LRGUK: variants seen among roughly 807,000 people sequenced by gnomAD.
LRGUK encodes the protein leucine-rich repeat and guanylate kinase domain-containing protein.
Under a neutral mutation model 76.0 loss-of-function variants are expected in LRGUK, and 65 were observed. The observed-to-expected ratio is 0.85, with a 90% CI of 0.70 to 1.05. The LOEUF is 1.05. Among genes scored for constraint, LRGUK ranks in the 50% least tolerant of loss-of-function variants. LRGUK has a pLI of 0.00. For synonymous variants in LRGUK, 268 were observed against 265.6 expected (o/e 1.01, Z -0.09); for missense variants, 758 against 732.8 (o/e 1.03, Z -0.40).
At chr7:134,228,742 T>C (rs1274935443) in intron 16 of LRGUK, among the ~76,000 whole-genome samples, 1 of 152,168 alleles carries the variant, frequency 6.6e-6, no homozygotes, top group East Asian at 1.9e-4. Context: ...TCTAGAATCC[T>C]TGCATTTGAA....
chr7:134,230,358 G>A (rs1028012411), intron 16 of LRGUK, among the ~76,000 whole-genome samples: 1 of 152,134 alleles, frequency 6.6e-6, no homozygotes, highest in Admixed American at 6.5e-5. Flanking sequence ...CTATCAATAT[G>A]TGGGGCAATG....
At chr7:134,231,783 C>G (rs1208082296) in intron 16 of LRGUK, among the ~76,000 whole-genome samples, 9 of 133,892 alleles carry the variant, frequency 6.7e-5, no homozygotes, top group African/African-American at 3.0e-4. Flanking sequence ...TCCGTCCGTC[C>G]CTCCCTTCCT....
At chr7:134,130,360 T>C (rs904738753) in intron 1 of LRGUK, among the ~76,000 whole-genome samples, 8 of 42,606 alleles carry the variant, frequency 1.9e-4, no homozygotes, top group African/African-American at 2.7e-4. Context: ...CATAGCTCTT[T>C]GGCTATGGGG....
At chr7:134,252,154 C>T (rs1802462768) in intron 18 of LRGUK, among the ~76,000 whole-genome samples, 2 of 150,858 alleles carry the variant, frequency 1.3e-5, no homozygotes, top group Admixed American at 1.3e-4. Flanking sequence ...GCCTCGGCAA[C>T]ATAGTGAGAC....
chr7:134,211,997 G>C (rs2117131159), downstream of LRGUK, among the ~76,000 whole-genome samples: 1 of 152,196 alleles, frequency 6.6e-6, no homozygotes, highest in African/African-American at 2.4e-5. Flanking sequence ...CTCCATGTTG[G>C]CTTCATTCTT....
At chr7:134,258,472 T>C in intron 19 of LRGUK, 67 bp downstream of exon 19, 1 of 1,449,100 alleles carries the variant, frequency 6.9e-7, no homozygotes, top group South Asian at 1.2e-5. Context: ...CCGAGGCGAA[T>C]GGATCTCCTG....
chr7:134,133,510 C>T (rs1463821923), intron 1 of LRGUK, among the ~76,000 whole-genome samples: 2 of 152,200 alleles, frequency 1.3e-5, no homozygotes, highest in Non-Finnish European at 2.9e-5. Context: ...GTCTCCCAGA[C>T]TGAACTGTAA....
In LRGUK at chr7:134,242,582, G is replaced by A. The variant is rs113208989; in HGVS notation, c.1984-4974G>A. Among the ~76,000 whole-genome samples the A allele has an allele frequency of 4.1e-3, 628 of 152,238 alleles. 8 individuals carry two copies. The highest frequency in any genetic ancestry group is 0.014 in the African/African-American group (577 of 41,544). The stretch of plus-strand genomic sequence containing the variant: ...ATTAATAGCCTACCAACCAAAAAAA[G>A]TCCAGGACCAGATGGATTCACACCT... On this transcript the variant is annotated intron_variant, in intron 16 of 19. Coordinates refer to the LRGUK transcript ENST00000285928.
At chr7:134,274,554 T>C in the LRGUK span, among the ~76,000 whole-genome samples, 1 of 152,138 alleles carries the variant, frequency 6.6e-6, no homozygotes, top group African/African-American at 2.4e-5. Context: ...TGTTCTGTAA[T>C]AGATGGTGTG....
the LRGUK span, among the ~76,000 whole-genome samples, chr7:134,271,923 A>T: frequency 0.15 from 22,294 of 152,068 alleles, 4,165 homozygotes; most frequent in African/African-American, 0.44. Context: ...TATTATAGAT[A>T]ATTTCAGGAT....
intron 16 of LRGUK, among the ~76,000 whole-genome samples, chr7:134,222,374 G>C (rs1180298734): frequency 1.3e-5 from 2 of 152,310 alleles, no homozygotes; most frequent in African/African-American, 4.8e-5. Context: ...TTATTTCTCT[G>C]AAAGTTTTGA....
rs10555261 is a variant in LRGUK, at chr7:134,237,050, CTTTTT to C, written c.1984-10488_1984-10484del. On this transcript the variant is annotated intron_variant, in intron 16 of 19. Transcript: ENST00000285928. ...CAGCAGGCTAAATGCTTTTCTCTTT[CTTTTT>C]TTTTTTTTTTTTTTTTTGAGACTGT... Among the ~76,000 whole-genome samples the C allele has an allele frequency of 5.7e-3, 432 of 75,188 alleles. 3 individuals are homozygous for C. Among genetic ancestry groups the C allele is most frequent in the African/African-American group, 0.018 (416 of 23,756 alleles). 49.3% of individuals were successfully genotyped at this position (75,188 alleles called of 152,430 possible). A position where few individuals can be genotyped will look rare whatever the true frequency, so the allele number is the denominator to read the frequency against.
rs993027259 is a variant in LRGUK at position 134,249,144 on chromosome 7, A to G, written c.2198+68A>G. On this transcript the variant is annotated intron_variant, in intron 18 of 19. Transcript: ENST00000285928. ...CTGGTTAGTTAAAATTATGGTACTC[A>G]TCTCTAAGCTTCAGAGAAATCCTAA... 3 of 1,410,212 alleles carry G rather than the reference A, an allele frequency of 2.1e-6. No homozygotes were observed. In the African/African-American group the frequency reaches 4.4e-5, roughly 20 times the overall value. 87.4% of individuals were successfully genotyped at this position (1,410,212 alleles called of 1,614,324 possible). A position where few individuals can be genotyped will look rare whatever the true frequency, so the allele number is the denominator to read the frequency against.
At chr7:134,253,527 T>A (rs1188368773) in intron 18 of LRGUK, among the ~76,000 whole-genome samples, 4 of 152,156 alleles carry the variant, frequency 2.6e-5, no homozygotes, top group Non-Finnish European at 5.9e-5. Context: ...TTAAAATTGA[T>A]GTCAGGCCTG....
At chr7:134,241,651 CAG>C (rs1802156113) in intron 16 of LRGUK, among the ~76,000 whole-genome samples, 3 of 152,120 alleles carry the variant, frequency 2.0e-5, no homozygotes, top group Admixed American at 2.0e-4. Flanking sequence ...ATCAATGAGA[CAG>C]AAAGTTAACA....
chr7:134,190,399 A>T lies in LRGUK; in HGVS notation c.1335-1256A>T, dbSNP rs367944137. Reference sequence around the variant, plus strand: ...TTTTTAAATTTTTTTGTAGAGACAGAATCTCACTATGTTGCCCAGGCTGGT... The same window carrying T: ...TTTTTAAATTTTTTTGTAGAGACAGTATCTCACTATGTTGCCCAGGCTGGT... On this transcript the variant is annotated intron_variant, in intron 11 of 15. Transcript: ENST00000645682. 2.8e-4 allele frequency among the ~76,000 whole-genome samples: 42 copies of T among 152,264 alleles called. 1 individual carries two copies. In the East Asian group the frequency reaches 7.0e-3, roughly 25 times the overall value.
Position 134,198,615 on chromosome 7 carries a change from G to C in LRGUK, c.1546-605G>C, listed in dbSNP as rs187040791. On this transcript the variant is annotated intron_variant, in intron 13 of 15. Coordinates refer to ENST00000645682, the Ensembl canonical transcript of LRGUK. ...AAACTGATAGCCAGAGAACTTGAAG[G>C]ATTTGTGCGGCGTCTACAGGAGCCA... Among the ~76,000 whole-genome samples the C allele has an allele frequency of 1.7e-3, 253 of 152,322 alleles. 1 individual carries two copies. Among genetic ancestry groups the C allele is most frequent in the Non-Finnish European group, 2.8e-3 (192 of 68,034 alleles).
At chr7:134,136,845 T>G (rs573301835) in intron 1 of LRGUK, among the ~76,000 whole-genome samples, 178 bp from the exon 2 acceptor site, 39 of 152,362 alleles carry the variant, frequency 2.6e-4, no homozygotes, top group African/African-American at 9.4e-4. Flanking sequence ...AGATAGTTAT[T>G]TAATTATATG....
At chr7:134,187,182 A>T (rs879405224) in intron 11 of LRGUK, among the ~76,000 whole-genome samples, 5 of 128 alleles carry the variant, frequency 0.039, no homozygotes, top group African/African-American at 0.054. Context: ...GTTAAAATTA[A>T]AAAAAAAAAA....
Sources: allele counts gnomAD v4.1 joint callset (sites outside exome capture counted in the v4.1 genomes callset), GRCh38; gene constraint gnomAD v4.1.1; transcripts MANE v1.5; gene names NCBI Gene and HGNC (gene_info 2026-07-23, HGNC 2026-07-21).